The following ARFIP1 variants were observed in gnomAD, a reference collection of about 807,000 sequenced individuals.
The protein encoded by ARFIP1 is ARF interacting protein 1, also known as arfaptin-1.
A neutral mutation model predicts 42.5 loss-of-function variants in ARFIP1; 24 were observed. The observed-to-expected ratio is 0.57, with a 90% CI of 0.41 to 0.80. ARFIP1 has a LOEUF of 0.80. Among genes scored for constraint, ARFIP1 ranks in the 30% least tolerant of loss-of-function variants. The probability of loss-of-function intolerance (pLI) is 0.00; values close to 1 mark genes in which losing one functional copy is unlikely to be tolerated. For missense variants in ARFIP1, 354 were observed against 434.0 expected (o/e 0.82, Z 1.64); for synonymous variants, 141 against 153.7 (o/e 0.92, Z 0.61).
At chr4:152,905,545 G>GTTTTTTTTTGTT (rs1738256156) in intron 8 of ARFIP1, among the ~76,000 whole-genome samples, 2 of 30,378 alleles carry the variant, frequency 6.6e-5, no homozygotes, top group Non-Finnish European at 1.2e-4. Flanking sequence ...TGTAAGAATT[G>GTTTTTTTTTGTT]TTTTTTTTTT....
At chr4:152,847,124 CTTTTTTT>C (rs771661005) in intron 2 of ARFIP1, among the ~76,000 whole-genome samples, 8 of 40,556 alleles carry the variant, frequency 2.0e-4, no homozygotes, top group East Asian at 1.4e-3. Context: ...TAGGTTTGTT[CTTTTTTT>C]TTTTTTTTTT....
intron 1 of ARFIP1, among the ~76,000 whole-genome samples, chr4:152,827,109 T>C (rs1730897319): frequency 6.6e-6 from 1 of 152,222 alleles, no homozygotes; most frequent in Non-Finnish European, 1.5e-5. Context: ...ACAATGTGAA[T>C]ATACTTAACA....
intron 8 of ARFIP1, among the ~76,000 whole-genome samples, chr4:152,900,825 G>A (rs73865271): frequency 0.01 from 1,546 of 152,288 alleles, 35 homozygotes; most frequent in African/African-American, 0.035. Flanking sequence ...ACCAAAATAT[G>A]ATTTTTACAC....
intron 2 of ARFIP1, among the ~76,000 whole-genome samples, chr4:152,855,175 G>A (rs553245535): frequency 1.5e-4 from 23 of 152,298 alleles, no homozygotes; most frequent in African/African-American, 5.3e-4. Flanking sequence ...GCAGCTGAGT[G>A]GGTAGTCCAA....
chr4:152,840,893 T>C (rs1732016158), intron 2 of ARFIP1, among the ~76,000 whole-genome samples: 2 of 150,824 alleles, frequency 1.3e-5, no homozygotes. Context: ...CTATTTTTTG[T>C]ATTTTTGGTA....
At chr4:152,854,101 C>T (rs1437134076) in intron 2 of ARFIP1, among the ~76,000 whole-genome samples, 5 of 151,452 alleles carry the variant, frequency 3.3e-5, no homozygotes, top group Admixed American at 1.3e-4. Flanking sequence ...TTAGTAGAGG[C>T]GGGGTTTCAC....
chr4:152,850,281 C>T (rs1308119351), intron 2 of ARFIP1, among the ~76,000 whole-genome samples: 1 of 152,092 alleles, frequency 6.6e-6, no homozygotes, highest in Admixed American at 6.5e-5. Context: ...AATATATCAG[C>T]TTGGAAGGAA....
chr4:152,867,282 T>C (rs1016018293), intron 3 of ARFIP1, among the ~76,000 whole-genome samples: 1 of 152,124 alleles, frequency 6.6e-6, no homozygotes, highest in Non-Finnish European at 1.5e-5. Context: ...TCACTCGCGG[T>C]TAGGAGCTGG....
At chr4:152,858,904 G>A (rs1733649764) in intron 2 of ARFIP1, among the ~76,000 whole-genome samples, 1 of 152,132 alleles carries the variant, frequency 6.6e-6, no homozygotes, top group African/African-American at 2.4e-5. Context: ...AAAGGAGCAA[G>A]CGCTGTAAAT....
chr4:152,847,124 C>CTTTTTTTTTTTGTTTTT (rs1732604396), intron 2 of ARFIP1, among the ~76,000 whole-genome samples: 1 of 40,584 alleles, frequency 2.5e-5, no homozygotes, highest in Non-Finnish European at 4.5e-5. Flanking sequence ...TAGGTTTGTT[C>CTTTTTTTTTTTGTTTTT]TTTTTTTTTT....
intron 1 of ARFIP1, among the ~76,000 whole-genome samples, chr4:152,781,268 C>G (rs1730478235): frequency 7.5e-6 from 1 of 132,958 alleles, no homozygotes; most frequent in South Asian, 2.5e-4. Flanking sequence ...CAGAGTCTCA[C>G]TCTGTCGCCC....
chr4:152,898,273 C>T (rs765406183), intron 8 of ARFIP1, among the ~76,000 whole-genome samples: 2 of 152,030 alleles, frequency 1.3e-5, no homozygotes, highest in Non-Finnish European at 2.9e-5. Context: ...TGAGCCACTG[C>T]GCCCGGCTGC....
intron 3 of ARFIP1, among the ~76,000 whole-genome samples, chr4:152,867,367 G>T (rs924291876): frequency 6.6e-6 from 1 of 151,448 alleles, no homozygotes; most frequent in African/African-American, 2.4e-5. Context: ...ATGGCGGTGC[G>T]TGCCTGCAAT....
At chr4:152,844,052 G>T (rs923014129) in intron 2 of ARFIP1, among the ~76,000 whole-genome samples, 4 of 152,186 alleles carry the variant, frequency 2.6e-5, no homozygotes, top group African/African-American at 9.7e-5. Context: ...TACCAGGCAG[G>T]AATGGCCTGC....
rs1211719775 is a variant in ARFIP1 at position 152,889,545 on chromosome 4, T to TTG, written c.966+1250_966+1251dup. ...TATATATATATATATACACCTATTT[T>TTG]TGTGTGTGTGTGTATATTTATGTGT... On this transcript the variant is annotated intron_variant, in intron 8 of 8. Coordinates refer to ENST00000353617, the MANE Select transcript of ARFIP1 (RefSeq NM_001025595.3). 8.5e-4 allele frequency among the ~76,000 whole-genome samples: 103 copies of TTG among 120,990 alleles called. 2 individuals are homozygous for TTG. In the East Asian group the frequency reaches 0.011, roughly 12 times the overall value. 79.4% of individuals were successfully genotyped at this position (120,990 alleles called of 152,430 possible).
chr4:152,848,892 C>T (rs970562442), intron 2 of ARFIP1, among the ~76,000 whole-genome samples: 3 of 152,140 alleles, frequency 2.0e-5, no homozygotes, highest in African/African-American at 7.2e-5. Flanking sequence ...AATGTTTCCA[C>T]GTTACTCACA....
At chr4:152,892,691 G>A (rs1736963359) in intron 8 of ARFIP1, among the ~76,000 whole-genome samples, 1 of 152,188 alleles carries the variant, frequency 6.6e-6, no homozygotes, top group Non-Finnish European at 1.5e-5. Context: ...ATATATGTGT[G>A]ATAAATGCAC....
chr4:152,864,834 A>G (rs1453576062), intron 3 of ARFIP1, among the ~76,000 whole-genome samples: 1 of 151,350 alleles, frequency 6.6e-6, no homozygotes, highest in Non-Finnish European at 1.5e-5. Context: ...TTCTGCACAC[A>G]TCTCATATCT....
chr4:152,866,076 C>T (rs969270879), intron 3 of ARFIP1, among the ~76,000 whole-genome samples: 1 of 151,956 alleles, frequency 6.6e-6, no homozygotes, highest in Admixed American at 6.6e-5. Context: ...TGACTCTTAA[C>T]GAGCATGTTG....
Sources: allele counts gnomAD v4.1 joint callset (sites outside exome capture counted in the v4.1 genomes callset), GRCh38; gene constraint gnomAD v4.1.1; transcripts MANE v1.5; gene names NCBI Gene and HGNC (gene_info 2026-07-23, HGNC 2026-07-21).